NEBL: variants seen among roughly 807,000 people sequenced by gnomAD.
The protein encoded by NEBL is nebulette, also known as LIM and SH3 protein 2.
NEBL carries 122 observed loss-of-function variants against 140.2 expected under a neutral mutation model. The ratio of observed to expected loss-of-function variants is 0.87; its 90% CI spans 0.75 to 1.01. The LOEUF is 1.01. Among genes scored for constraint, NEBL ranks in the 50% least tolerant of loss-of-function variants. NEBL has a pLI of 0.00. For synonymous variants in NEBL, 436 were observed against 398.9 expected, an observed-to-expected ratio of 1.09 and a Z score of -1.11; for missense variants, 1,365 against 1,231.3, an observed-to-expected ratio of 1.11 and a Z score of -1.62.
intron 2 of NEBL, among the ~76,000 whole-genome samples, chr10:21,105,385 G>A (rs562442808): frequency 1.3e-5 from 2 of 152,054 alleles, no homozygotes; most frequent in South Asian, 4.2e-4. Flanking sequence ...CCCACCCTGG[G>A]TCCATGTGTT....
chr10:21,020,697 T>A (rs1400114502), intron 2 of NEBL, among the ~76,000 whole-genome samples: 1 of 152,164 alleles, frequency 6.6e-6, no homozygotes, highest in Non-Finnish European at 1.5e-5. Flanking sequence ...CTTGTAGTCC[T>A]CCTCTTGGGC....
chr10:21,099,068 G>A (rs748539416), intron 2 of NEBL, among the ~76,000 whole-genome samples: 3 of 152,172 alleles, frequency 2.0e-5, no homozygotes, highest in Non-Finnish European at 4.4e-5. Flanking sequence ...AGGAGCTCAC[G>A]GCTTCAGTGA....
chr10:20,869,045 T>C (rs1247258689), intron 6 of NEBL, among the ~76,000 whole-genome samples: 2 of 152,134 alleles, frequency 1.3e-5, no homozygotes, highest in Non-Finnish European at 2.9e-5. Context: ...AAACAAAATA[T>C]TAGGGAAATT....
intron 4 of NEBL, among the ~76,000 whole-genome samples, chr10:20,953,081 G>A (rs904634221): frequency 9.9e-5 from 15 of 152,072 alleles, no homozygotes; most frequent in Non-Finnish European, 7.4e-5. Flanking sequence ...TATACATGCA[G>A]ATCATTCCCC....
intron 2 of NEBL, among the ~76,000 whole-genome samples, chr10:21,116,292 G>A (rs1838282271): frequency 6.6e-6 from 1 of 152,050 alleles, no homozygotes; most frequent in Admixed American, 6.6e-5. Flanking sequence ...TTCATTTCCT[G>A]GTGAGAGCCC....
chr10:21,061,321 A>ATAATATG (rs1835282200), intron 2 of NEBL, among the ~76,000 whole-genome samples: 1 of 127,544 alleles, frequency 7.8e-6, no homozygotes, highest in Non-Finnish European at 1.6e-5. Context: ...TATGTAATAT[A>ATAATATG]TTACATATTA....
At chr10:20,920,277 CATCA>C (rs1833518235) in intron 4 of NEBL, among the ~76,000 whole-genome samples, 1 of 152,124 alleles carries the variant, frequency 6.6e-6, no homozygotes, top group African/African-American at 2.4e-5. Context: ...CTTTTTAACC[CATCA>C]GTCACTCTTA....
intron 3 of NEBL, among the ~76,000 whole-genome samples, chr10:21,243,719 G>C (rs190892300): frequency 1.3e-5 from 2 of 152,182 alleles, no homozygotes; most frequent in African/African-American, 4.8e-5. Context: ...TAGGGGGATT[G>C]AACATTTGCA....
At chr10:21,235,230 C>T (rs573565223) in intron 3 of NEBL, among the ~76,000 whole-genome samples, 18 of 152,120 alleles carry the variant, frequency 1.2e-4, no homozygotes, top group African/African-American at 4.1e-4. Flanking sequence ...CAGGAGGTTG[C>T]GGCTGCAGTG....
intron 4 of NEBL, among the ~76,000 whole-genome samples, chr10:20,932,125 T>G (rs1834219013): frequency 6.6e-6 from 1 of 152,172 alleles, no homozygotes; most frequent in Non-Finnish European, 1.5e-5. Flanking sequence ...TTCATCTTCT[T>G]TTCTCCATTC....
intron 4 of NEBL, among the ~76,000 whole-genome samples, chr10:20,940,518 TAAAAG>T (rs1383180433): frequency 7.0e-6 from 1 of 142,654 alleles, no homozygotes; most frequent in East Asian, 2.0e-4. Context: ...ACATCACAAT[TAAAAG>T]AACTAGAAAA....
At chr10:21,134,849 G>C (rs772299261) in intron 2 of NEBL, among the ~76,000 whole-genome samples, 1 of 152,142 alleles carries the variant, frequency 6.6e-6, no homozygotes, top group Non-Finnish European at 1.5e-5. Flanking sequence ...TGGAAGGTAC[G>C]CTACTCTGCA....
At chr10:20,884,785 T>C (rs1411678479) in intron 4 of NEBL, among the ~76,000 whole-genome samples, 4 of 152,234 alleles carry the variant, frequency 2.6e-5, no homozygotes, top group Admixed American at 1.3e-4. Flanking sequence ...GCTTCTATGA[T>C]AAGGCATTAT....
intron 2 of NEBL, among the ~76,000 whole-genome samples, chr10:21,125,210 A>G (rs1838765413): frequency 6.7e-6 from 1 of 149,106 alleles, no homozygotes; most frequent in South Asian, 2.1e-4. Context: ...ACACGCACAC[A>G]CATGCACACA....
intron 3 of NEBL, among the ~76,000 whole-genome samples, chr10:21,244,991 T>TAAAA: frequency 8.5e-6 from 1 of 118,320 alleles, no homozygotes; most frequent in South Asian, 2.7e-4. Context: ...ATGCTGTCTC[T>TAAAA]AAAAAAAAAA....
chr10:21,089,783 T>C (rs990585507), intron 2 of NEBL, among the ~76,000 whole-genome samples: 8 of 151,932 alleles, frequency 5.3e-5, no homozygotes, highest in Admixed American at 2.0e-4. Context: ...AAACATCAAA[T>C]CCTCCTCTGA....
In NEBL at chr10:20,835,523, A is replaced by G. The variant is rs201325130; in HGVS notation, c.1439T>C (p.Ile480Thr). The change falls in exon 14 of 28, where the codon ATA becomes ACA. Residue 480 changes from isoleucine to threonine, a missense_variant. This residue lies in a region of NEBL where 1,323 missense variants were observed against 1,154.8 expected (regional missense o/e 1.15). Coordinates refer to ENST00000377122, the MANE Select transcript of NEBL (RefSeq NM_006393.3). ...EMQHAKKAAE[I>T]ASEKDYKRDL... Reference sequence around the variant, plus strand: ...ACGCACCCTACTAACCTCACTCGCTATCTCTGCAGCCTTCTTGGCATGCTG... The same window carrying G: ...ACGCACCCTACTAACCTCACTCGCTGTCTCTGCAGCCTTCTTGGCATGCTG... 7.9e-5 allele frequency: 127 copies of G among 1,610,602 alleles called. No individual in the cohort carries two copies. The highest frequency in any genetic ancestry group is 8.1e-5 in the Non-Finnish European group (96 of 1,178,462).
In NEBL at chr10:21,210,879, A is replaced by T. The variant is rs180860886; in HGVS notation, n.348+37042T>A. 2.1e-3 allele frequency among the ~76,000 whole-genome samples: 313 copies of T among 152,350 alleles called. 3 individuals are homozygous for T. The highest frequency in any genetic ancestry group is 0.014 in the Middle Eastern group (4 of 294). On this transcript the variant is annotated intron_variant and non_coding_transcript_variant, in intron 3 of 8. Coordinates refer to the NEBL transcript ENST00000675702. ...TATGTATGAGCTACTGTAAGTCTTT[A>T]AAAAACCTGTAGCTTTACATTTACA...
chr10:20,786,810 T>C (rs1835453272), intron 27 of NEBL, among the ~76,000 whole-genome samples: 1 of 152,234 alleles, frequency 6.6e-6, no homozygotes, highest in African/African-American at 2.4e-5. Flanking sequence ...GATTTGAAGA[T>C]ATATTTTGGC....
Sources: allele counts gnomAD v4.1 joint callset (sites outside exome capture counted in the v4.1 genomes callset), GRCh38; gene constraint gnomAD v4.1.1; regional missense constraint gnomAD v4.1.1; transcripts MANE v1.5; gene names NCBI Gene and HGNC (gene_info 2026-07-23, HGNC 2026-07-21).